YJEFN3: variants seen among roughly 807,000 people sequenced by gnomAD.
The protein encoded by YJEFN3 is YjeF N-terminal domain containing 3, also known as yjeF N-terminal domain-containing protein 3.
A neutral mutation model predicts 31.5 loss-of-function variants in YJEFN3; 29 were observed. That is an observed-to-expected ratio of 0.92 (90% CI 0.69 to 1.26). The LOEUF is 1.26. Ranked by LOEUF, YJEFN3 falls within the 50% of genes most tolerant of loss-of-function variation. The pLI is 0.00. For missense variants in YJEFN3, 442 were observed against 425.4 expected, an observed-to-expected ratio of 1.04 and a Z score of -0.34; for synonymous variants, 227 against 196.1, an observed-to-expected ratio of 1.16 and a Z score of -1.32.
chr19:19,534,069 T>G lies in YJEFN3; in HGVS notation c.319-965T>G. On this transcript the variant is annotated intron_variant, in intron 3 of 6. Transcript: ENST00000514277. This position sits in a 1 kb window ranked among gnomAD's most constrained non-coding sequence, Gnocchi z 4.6. ...CAGAGTGCCTGTCAGGCGGTGGCAC[T>G]GTCATCGCATTTGATAAAGGCCAAA... The G allele has an allele frequency of 2.0e-6, 2 of 985,588 alleles. No individual in the cohort carries two copies. Among genetic ancestry groups the G allele is most frequent in the Non-Finnish European group, 2.4e-6 (2 of 830,008 alleles). 61.1% of individuals were successfully genotyped at this position (985,588 alleles called of 1,614,324 possible).
chr19:19,531,091 T>C (rs552847773), intron 2 of YJEFN3, among the ~76,000 whole-genome samples: 1 of 152,354 alleles, frequency 6.6e-6, no homozygotes, highest in Non-Finnish European at 1.5e-5. Context: ...AAGCCCTCGC[T>C]GACTCCCATC....
intron 2 of YJEFN3, 119 bp downstream of exon 2, chr19:19,529,632 T>A (rs2061134610): frequency 3.7e-6 from 5 of 1,359,152 alleles, no homozygotes; most frequent in Non-Finnish European, 3.0e-6. Context: ...ACCAGATGCG[T>A]CCAACAGCTC....
intron 2 of YJEFN3, among the ~76,000 whole-genome samples, chr19:19,530,969 C>A (rs2061150470): frequency 6.6e-6 from 1 of 152,188 alleles, no homozygotes; most frequent in Non-Finnish European, 1.5e-5. Context: ...TCTGCTTCAG[C>A]CTCCCTTCTG....
chr19:19,533,974 A>G, intron 3 of YJEFN3: 6 of 985,538 alleles, frequency 6.1e-6, no homozygotes, highest in Non-Finnish European at 7.2e-6. Flanking sequence ...TGGGGAGGAT[A>G]CTTGAAAGGG....
At position 19,528,923 on chromosome 19, in the gene YJEFN3, C is replaced by A. The variant is rs910298629; in HGVS notation, c.-10C>A. Reference sequence around the variant, plus strand: ...GGCGGCAGCGCCCGGCGCCCGGGCTCACCTCGGCCATGAGCAGCGCAGCCG... The same window carrying A: ...GGCGGCAGCGCCCGGCGCCCGGGCTAACCTCGGCCATGAGCAGCGCAGCCG... On this transcript the variant is annotated 5_prime_UTR_variant, in exon 1 of 7. Coordinates refer to ENST00000514277, the MANE Select transcript of YJEFN3 (RefSeq NM_198537.4). The A allele has an allele frequency of 6.5e-7, 1 of 1,547,726 alleles. No individual in the cohort carries two copies. Among genetic ancestry groups the A allele is most frequent in the African/African-American group, 1.4e-5 (1 of 72,966 alleles).
intron 6 of YJEFN3, 41 bp from the exon 7 acceptor site, chr19:19,537,278 A>G: frequency 6.6e-7 from 1 of 1,511,576 alleles, no homozygotes; most frequent in Non-Finnish European, 8.9e-7. Flanking sequence ...AGGGCAGGCC[A>G]CCCTCCCAGT....
Position 19,535,050 on chromosome 19 carries a change from C to G in YJEFN3, c.335C>G (p.Ala112Gly). Residue 112 changes from alanine (A) to glycine (G), a missense_variant, in exon 4 of 7, where the codon GCT becomes GGT. By Grantham distance (60) the Ala-to-Gly change is moderately conservative (BLOSUM62 0). Transcript: ENST00000514277. ...TACCACCAGGCGTTCCCGTTGCCCG[C>G]TCTCTCCCGGAAGCAGAGGACGGTG... Reference protein sequence around the residue: ...VAVTKAFPLPALSRKQRTVLV... With the variant: ...VAVTKAFPLPGLSRKQRTVLV... 6.2e-7 allele frequency: 1 copy of G among 1,604,276 alleles called. No homozygotes were observed. The highest frequency in any genetic ancestry group is 8.5e-7 in the Non-Finnish European group (1 of 1,175,050).
Position 19,529,455 on chromosome 19 carries a change from G to C in YJEFN3, c.151G>C (p.Ala51Pro). The C allele has an allele frequency of 6.2e-7, 1 of 1,614,212 alleles. No individual in the cohort carries two copies. The highest frequency in any genetic ancestry group is 8.5e-7 in the Non-Finnish European group (1 of 1,180,032). ...TTSLVQRRKQ[A>P]WGRQSWLEQI... Reference sequence around the variant, plus strand: ...CTCCCTTGTCCAGAGGAGGAAACAGGCCTGGGGAAGGCAGTCATGGCTAGA... The same window carrying C: ...CTCCCTTGTCCAGAGGAGGAAACAGCCCTGGGGAAGGCAGTCATGGCTAGA... The change falls in exon 2 of 7, where the codon GCC becomes CCC. Residue 51 changes from alanine (A) to proline (P), a missense_variant. By Grantham distance (27) the Ala-to-Pro change is conservative (BLOSUM62 -1). Coordinates refer to ENST00000514277, the MANE Select transcript of YJEFN3 (RefSeq NM_198537.4).
chr19:19,530,713 G>A (rs920184537), intron 2 of YJEFN3, among the ~76,000 whole-genome samples: 11 of 152,138 alleles, frequency 7.2e-5, no homozygotes, highest in South Asian at 2.1e-4. Flanking sequence ...GGCCTGCCCC[G>A]GGGGGACTCT....
chr19:19,537,225 AG>A (rs1341208739), intron 6 of YJEFN3, 93 bp from the exon 7 acceptor site: 10 of 1,168,844 alleles, frequency 8.6e-6, no homozygotes, highest in African/African-American at 7.7e-5. Context: ...TCAGTGTTGG[AG>A]GGGAGAGGAG....
chr19:19,531,657 T>C (rs1166750755), intron 2 of YJEFN3, among the ~76,000 whole-genome samples: 1 of 149,194 alleles, frequency 6.7e-6, no homozygotes, highest in Non-Finnish European at 1.5e-5. Context: ...AGTCATTCAG[T>C]GAAGTGGATG....
chr19:19,535,710 C>T (rs1482762456), intron 6 of YJEFN3, 31 bp downstream of exon 6: 1 of 1,543,310 alleles, frequency 6.5e-7, no homozygotes. Flanking sequence ...CACATTGGGG[C>T]CTGGGGGGCT....
At position 19,534,220 on chromosome 19, in the gene YJEFN3, C is replaced by A; in HGVS notation, c.319-814C>A. 1 of 934,992 alleles carries A rather than the reference C, an allele frequency of 1.1e-6. No individual in the cohort carries two copies. The highest frequency in any genetic ancestry group is 1.3e-6 in the Non-Finnish European group (1 of 784,332). The allele number at this position is 934,992 out of a possible 1,614,324, so 57.9% of individuals were successfully genotyped here. On this transcript the variant is annotated intron_variant, in intron 3 of 6. Transcript: ENST00000514277. The surrounding 1 kb of genome is among the most constrained non-coding windows in gnomAD (Gnocchi z 4.6). The stretch of plus-strand genomic sequence containing the variant: ...GAGACAGATGGAGAGAGACAGATAA[C>A]AGAGAGATACAGAGACAGCCAGAGA...
intron 2 of YJEFN3, among the ~76,000 whole-genome samples, chr19:19,531,718 CTTTTTTTTTTTTTTTTTTT>C (rs56747140): frequency 2.6e-5 from 2 of 75,852 alleles, no homozygotes; most frequent in East Asian, 3.5e-4. Flanking sequence ...AACAAATAAC[CTTTTTTTTTTTTTTTTTTT>C]TTTTTTTTTT....
At chr19:19,529,553 G>C in intron 2 of YJEFN3, 40 bp downstream of exon 2, 1 of 1,599,774 alleles carries the variant, frequency 6.3e-7, no homozygotes, top group South Asian at 1.1e-5. Flanking sequence ...CCGTGGCTGT[G>C]ACTCTCACCT....
At chr19:19,535,479 C>T in intron 5 of YJEFN3, 29 bp downstream of exon 5, 1 of 1,613,586 alleles carries the variant, frequency 6.2e-7, no homozygotes, top group South Asian at 1.1e-5. Context: ...GCAAGGGGGA[C>T]ATGGTGTGCA....
At position 19,532,756 on chromosome 19, in the gene YJEFN3, C is replaced by A; in HGVS notation, c.318+16C>A. 6.5e-7 allele frequency: 1 copy of A among 1,533,598 alleles called. No homozygotes were observed. The highest frequency in any genetic ancestry group is 8.8e-7 in the Non-Finnish European group (1 of 1,138,916). The allele number at this position is 1,533,598 out of a possible 1,614,324, so 95.0% of individuals were successfully genotyped here. A position where few individuals can be genotyped will look rare whatever the true frequency, so the allele number is the denominator to read the frequency against. On this transcript the variant is annotated intron_variant, in intron 3 of 6. Coordinates refer to ENST00000514277, the MANE Select transcript of YJEFN3 (RefSeq NM_198537.4). ...TGTGACCAAGGTACCTGACCCCTGA[C>A]CCCCAACCCTGACCCCAACCAGACG...
Position 19,528,932 on chromosome 19 carries a change from C to A in YJEFN3, c.-1C>A, listed in dbSNP as rs372760483. The A allele has an allele frequency of 4.5e-6, 7 of 1,548,556 alleles. No homozygotes were observed. The East Asian group carries it at 1.7e-4, about 38-fold the overall frequency. ...GCCCGGCGCCCGGGCTCACCTCGGC[C>A]ATGAGCAGCGCAGCCGGCCCAGACC... On this transcript the variant is annotated 5_prime_UTR_variant, in exon 1 of 7. Coordinates refer to ENST00000514277, the MANE Select transcript of YJEFN3 (RefSeq NM_198537.4).
At chr19:19,537,220 G>A in intron 6 of YJEFN3, 99 bp from the exon 7 acceptor site, 2 of 1,150,450 alleles carry the variant, frequency 1.7e-6, no homozygotes, top group Non-Finnish European at 1.2e-6. Context: ...GAGGCTCAGT[G>A]TTGGAGGGGA....
Sources: allele counts gnomAD v4.1 joint callset (sites outside exome capture counted in the v4.1 genomes callset), GRCh38; gene constraint gnomAD v4.1.1; non-coding constraint Gnocchi (gnomAD v3.1); transcripts MANE v1.5; gene names NCBI Gene and HGNC (gene_info 2026-07-23, HGNC 2026-07-21).